The following CHST9 variants were observed in gnomAD, a reference collection of about 807,000 sequenced individuals.
CHST9 encodes the protein carbohydrate sulfotransferase 9.
In CHST9, 41 loss-of-function variants were observed where a neutral mutation model predicts 44.4. The observed-to-expected ratio is 0.92, with a 90% CI of 0.72 to 1.20. The LOEUF is 1.20. Among genes scored for constraint, CHST9 ranks in the 50% most tolerant of loss-of-function variants. The pLI is 0.00. For synonymous variants in CHST9, 171 were observed against 178.4 expected, an observed-to-expected ratio of 0.96 and a Z score of 0.33; for missense variants, 504 against 516.5, an observed-to-expected ratio of 0.98 and a Z score of 0.23.
At chr18:27,042,302 G>GTT (rs2057454343) in intron 3 of CHST9, among the ~76,000 whole-genome samples, 1 of 151,752 alleles carries the variant, frequency 6.6e-6, no homozygotes, top group African/African-American at 2.4e-5. Flanking sequence ...TAGCAGGGCA[G>GTT]TGCAAAATGA....
chr18:27,111,884 T>C (rs1598732677), intron 2 of CHST9, among the ~76,000 whole-genome samples: 1 of 152,054 alleles, frequency 6.6e-6, no homozygotes, highest in African/African-American at 2.4e-5. Flanking sequence ...CTCGTGGCTC[T>C]GAGGTCTTCA....
In CHST9 at chr18:26,975,909, C is replaced by T. The variant is rs1051655987; in HGVS notation, c.203-31543G>A. Among the ~76,000 whole-genome samples the T allele has an allele frequency of 2.0e-5, 3 of 151,264 alleles. No homozygotes were observed. The Admixed American group carries it at 2.0e-4, about 10-fold the overall frequency. ...TTCACCTTGGGGCAAAGGAGTTGGCCTTTTGTATTCCCACATACTTCTGTT... is the reference window on the plus strand; with the variant it reads ...TTCACCTTGGGGCAAAGGAGTTGGCTTTTTGTATTCCCACATACTTCTGTT... On this transcript the variant is annotated intron_variant, in intron 4 of 5. Transcript: ENST00000618847.
At chr18:26,951,188 C>T (rs2056242681) in intron 4 of CHST9, among the ~76,000 whole-genome samples, 1 of 152,100 alleles carries the variant, frequency 6.6e-6, no homozygotes, top group Non-Finnish European at 1.5e-5. Flanking sequence ...AGAAACAGCC[C>T]TAACCCACTA....
intron 4 of CHST9, among the ~76,000 whole-genome samples, chr18:26,983,579 G>T (rs2056719394): frequency 6.6e-6 from 1 of 152,264 alleles, no homozygotes; most frequent in Admixed American, 6.5e-5. Context: ...AGAGCCATGG[G>T]TCGATTAAAT....
At chr18:27,027,245 G>C (rs907513219) in intron 3 of CHST9, among the ~76,000 whole-genome samples, 17 of 152,194 alleles carry the variant, frequency 1.1e-4, no homozygotes, top group Admixed American at 7.9e-4. Flanking sequence ...AAAGGTTAGA[G>C]AGCTTCCTAA....
Position 26,994,871 on chromosome 18 carries a change from G to C in CHST9, c.202+29245C>G, listed in dbSNP as rs540046798. ...CCCAAAGTGCTGGGATTACAGGCGT[G>C]AGCCATTGTGCCTGGCCTGGATTTA... is the stretch of plus-strand genomic sequence containing the variant. On this transcript the variant is annotated intron_variant, in intron 4 of 5. Coordinates refer to ENST00000618847, the MANE Select transcript of CHST9 (RefSeq NM_031422.6). Among the ~76,000 whole-genome samples, 12 of 152,210 alleles carry C rather than the reference G, an allele frequency of 7.9e-5. 1 individual carries two copies. The South Asian group carries it at 2.1e-3, about 26-fold the overall frequency.
intron 4 of CHST9, among the ~76,000 whole-genome samples, chr18:26,978,770 T>G (rs1249750722): frequency 6.6e-6 from 1 of 152,126 alleles, no homozygotes; most frequent in Non-Finnish European, 1.5e-5. Context: ...GAAAATAAAA[T>G]GAAAGTAAAC....
chr18:27,020,792 C>T (rs764477333), intron 4 of CHST9, among the ~76,000 whole-genome samples: 5 of 152,090 alleles, frequency 3.3e-5, no homozygotes, highest in Non-Finnish European at 7.4e-5. Context: ...AAATCTCTCT[C>T]GGAGGTAAGT....
chr18:27,132,725 G>A (rs1441245464), intron 2 of CHST9, among the ~76,000 whole-genome samples: 1 of 152,184 alleles, frequency 6.6e-6, no homozygotes, highest in Admixed American at 6.5e-5. Context: ...CTGAAATTCA[G>A]TAAGCCTTCT....
chr18:27,061,480 A>G (rs1227184892), intron 2 of CHST9, among the ~76,000 whole-genome samples: 1 of 152,100 alleles, frequency 6.6e-6, no homozygotes, highest in East Asian at 1.9e-4. Context: ...TTTCACACAC[A>G]TCACTTTCAC....
intron 2 of CHST9, among the ~76,000 whole-genome samples, chr18:27,135,857 T>A (rs1243754658): frequency 6.6e-6 from 1 of 152,176 alleles, no homozygotes; most frequent in African/African-American, 2.4e-5. Context: ...AAATGCAGAT[T>A]CCCATGCAGC....
At chr18:27,145,269 G>T (rs111757634) in intron 1 of CHST9, among the ~76,000 whole-genome samples, 2,133 of 152,106 alleles carry the variant, frequency 0.014, 37 homozygotes, top group African/African-American at 0.047. Context: ...TTGGCTCGCC[G>T]CAACCTCCAC....
chr18:27,052,994 C>G (rs753776480), intron 2 of CHST9, among the ~76,000 whole-genome samples: 23 of 151,526 alleles, frequency 1.5e-4, no homozygotes, highest in Admixed American at 5.9e-4. Flanking sequence ...ACCTAGATGA[C>G]AGGTTGATAG....
rs1360531324 is a variant in CHST9, at chr18:26,916,192, A to G, written c.*67T>C. ...ATTTCTGTCATACAGAGAATTATAG[A>G]AAAATTACAGCTGATTTGAACTTAT... On this transcript the variant is annotated 3_prime_UTR_variant, in exon 6 of 6. Transcript: ENST00000618847. 30 of 1,240,872 alleles carry G rather than the reference A, an allele frequency of 2.4e-5. No homozygotes were observed. The highest frequency in any genetic ancestry group is 3.3e-5 in the Non-Finnish European group (29 of 889,292). The allele number at this position is 1,240,872 out of a possible 1,614,324, so 76.9% of individuals were successfully genotyped here.
At chr18:27,135,475 C>T (rs888499725) in intron 2 of CHST9, among the ~76,000 whole-genome samples, 2 of 152,126 alleles carry the variant, frequency 1.3e-5, no homozygotes, top group Non-Finnish European at 2.9e-5. Flanking sequence ...CCTCTTCTGT[C>T]AGCTTAATAA....
rs145079419 is a variant in CHST9 at position 26,915,869 on chromosome 18, C to T, written c.*390G>A. On this transcript the variant is annotated 3_prime_UTR_variant, in exon 6 of 6. Coordinates refer to ENST00000618847, the MANE Select transcript of CHST9 (RefSeq NM_031422.6). ...AGTTTGATTAATATGCCACAGACTGCTAAAAATATATTCATGCATTTTAGA... is the reference window on the plus strand; with the variant it reads ...AGTTTGATTAATATGCCACAGACTGTTAAAAATATATTCATGCATTTTAGA... 5.1e-3 allele frequency: 810 copies of T among 159,176 alleles called. 8 individuals carry two copies. The highest frequency in any genetic ancestry group is 0.019 in the African/African-American group (772 of 41,626). 9.9% of individuals were successfully genotyped at this position (159,176 alleles called of 1,614,324 possible).
At chr18:27,028,709 G>A (rs1479740091) in intron 3 of CHST9, among the ~76,000 whole-genome samples, 1 of 151,958 alleles carries the variant, frequency 6.6e-6, no homozygotes, top group Non-Finnish European at 1.5e-5. Context: ...CACCAGGCCC[G>A]GCTACTTTTT....
intron 4 of CHST9, among the ~76,000 whole-genome samples, chr18:26,974,922 G>A (rs2056598637): frequency 6.6e-6 from 1 of 152,154 alleles, no homozygotes; most frequent in African/African-American, 2.4e-5. Context: ...TGATCCACCT[G>A]CCTCGGACTT....
At chr18:26,957,716 T>G (rs2056344354) in intron 4 of CHST9, among the ~76,000 whole-genome samples, 1 of 152,182 alleles carries the variant, frequency 6.6e-6, no homozygotes, top group Admixed American at 6.5e-5. Context: ...CAAAGATAGC[T>G]GTGGTGTGAG....
Sources: allele counts gnomAD v4.1 joint callset (sites outside exome capture counted in the v4.1 genomes callset), GRCh38; gene constraint gnomAD v4.1.1; transcripts MANE v1.5; gene names NCBI Gene and HGNC (gene_info 2026-07-23, HGNC 2026-07-21).